Variants in PDE3B observed in about 807,000 individuals in gnomAD.
PDE3B encodes the protein cGMP-inhibited 3',5'-cyclic phosphodiesterase 3B.
Under a neutral mutation model 116.8 loss-of-function variants are expected in PDE3B, and 66 were observed. The ratio of observed to expected loss-of-function variants is 0.56; its 90% CI spans 0.46 to 0.69. PDE3B has a LOEUF of 0.69. Ranked by LOEUF, PDE3B falls within the 30% of genes least tolerant of loss-of-function variation. The probability of loss-of-function intolerance (pLI) is 0.00; values close to 1 mark genes in which losing one functional copy is unlikely to be tolerated. For synonymous variants in PDE3B, 595 were observed against 533.6 expected, an observed-to-expected ratio of 1.12 and a Z score of -1.59; for missense variants, 1,384 against 1,368.1, an observed-to-expected ratio of 1.01 and a Z score of -0.18.
rs533027750 is a variant in PDE3B, at chr11:14,708,362, A to G, written c.978+63309A>G. Among the ~76,000 whole-genome samples the G allele has an allele frequency of 2.6e-5, 4 of 152,208 alleles. No individual in the cohort carries two copies. In the South Asian group the frequency reaches 8.3e-4, roughly 32 times the overall value. ...GTCATCAGAATCATGAGCCAAATAAATCCTTTTTCTTTATAAACTACCCAG... is the reference window on the plus strand; with the variant it reads ...GTCATCAGAATCATGAGCCAAATAAGTCCTTTTTCTTTATAAACTACCCAG... On this transcript the variant is annotated intron_variant, in intron 1 of 15. Coordinates refer to ENST00000282096, the MANE Select transcript of PDE3B (RefSeq NM_000922.4).
intron 5 of PDE3B, 27 bp downstream of exon 5, chr11:14,804,077 A>G: frequency 8.3e-7 from 1 of 1,208,370 alleles, no homozygotes; most frequent in South Asian, 1.2e-5. Context: ...TATGACTCAA[A>G]TATGGGGGTT....
At chr11:14,761,831 C>T (rs561868729) in intron 1 of PDE3B, among the ~76,000 whole-genome samples, 1 of 152,172 alleles carries the variant, frequency 6.6e-6, no homozygotes, top group Admixed American at 6.6e-5. Context: ...TAATTTCTAT[C>T]TGACTAATAA....
At chr11:14,755,020 C>T (rs1031790638) in intron 1 of PDE3B, among the ~76,000 whole-genome samples, 2 of 152,152 alleles carry the variant, frequency 1.3e-5, no homozygotes, top group East Asian at 3.8e-4. Flanking sequence ...CCCTCAACCA[C>T]GATTACTGAA....
At chr11:14,747,046 G>A (rs543577975) in intron 1 of PDE3B, among the ~76,000 whole-genome samples, 1 of 152,312 alleles carries the variant, frequency 6.6e-6, no homozygotes, top group South Asian at 2.1e-4. Flanking sequence ...CATGGTGGAA[G>A]GCAAAGGCGG....
chr11:14,855,593 G>A (rs1396841992), intron 12 of PDE3B, among the ~76,000 whole-genome samples: 4 of 151,910 alleles, frequency 2.6e-5, no homozygotes, highest in Admixed American at 1.3e-4. Context: ...GCCCCTCATC[G>A]AACTTACATT....
At chr11:14,836,374 C>T (rs980249008) in intron 11 of PDE3B, among the ~76,000 whole-genome samples, 1 of 152,012 alleles carries the variant, frequency 6.6e-6, no homozygotes, top group Non-Finnish European at 1.5e-5. Flanking sequence ...TGGTTTTTAG[C>T]ATTTTAACTA....
the PDE3B span, chr11:14,880,638 A>G: frequency 1.3e-6 from 2 of 1,599,130 alleles, no homozygotes; most frequent in Non-Finnish European, 1.7e-6. Context: ...CAATAGCATC[A>G]TTGAAAAATT....
At chr11:14,665,484 G>C (rs1394043554) in intron 1 of PDE3B, among the ~76,000 whole-genome samples, 1 of 152,206 alleles carries the variant, frequency 6.6e-6, no homozygotes, top group Non-Finnish European at 1.5e-5. Flanking sequence ...AATTGTCCCT[G>C]TTTGCAGATG....
chr11:14,857,486 TCAGCA>T (rs1340810690), intron 12 of PDE3B, among the ~76,000 whole-genome samples: 2 of 152,188 alleles, frequency 1.3e-5, no homozygotes, highest in Non-Finnish European at 2.9e-5. Flanking sequence ...CTACTGGGGA[TCAGCA>T]GGGAACCCCT....
At position 14,789,218 on chromosome 11, in the gene PDE3B, C is replaced by G; in HGVS notation, c.1391C>G (p.Pro464Arg). ...SRWDRNNGKR[P>R]HQEFGISSQG... ...TGGGATCGTAATAATGGCAAAAGAC[C>G]TCACCAAGAATTTGGCATTTCAAGG... Residue 464 changes from proline (P) to arginine (R), a missense_variant, in exon 4 of 16, where the codon CCT (proline) becomes CGT (arginine). Pro to Arg is a moderately radical substitution (Grantham distance 103). This residue lies in a region of PDE3B where 956 missense variants were observed against 806.8 expected (regional missense o/e 1.18). Transcript: ENST00000282096. 1 of 1,605,912 alleles carries G rather than the reference C, an allele frequency of 6.2e-7. No homozygotes were observed. Among genetic ancestry groups the G allele is most frequent in the Non-Finnish European group, 8.5e-7 (1 of 1,176,140 alleles).
intron 1 of PDE3B, among the ~76,000 whole-genome samples, chr11:14,699,911 C>T (rs1855316943): frequency 6.6e-6 from 1 of 151,732 alleles, no homozygotes; most frequent in African/African-American, 2.4e-5. Context: ...GTTAATCCTT[C>T]TGGGACTTTT....
chr11:14,651,665 A>G (rs1005412001), intron 1 of PDE3B, among the ~76,000 whole-genome samples: 6 of 152,024 alleles, frequency 3.9e-5, no homozygotes, highest in African/African-American at 1.4e-4. Context: ...GCATTTTTCT[A>G]ATTTCTAGAT....
downstream of PDE3B, among the ~76,000 whole-genome samples, chr11:14,876,015 G>GT (rs1298226081): frequency 6.6e-6 from 1 of 152,182 alleles, no homozygotes; most frequent in Admixed American, 6.5e-5. Flanking sequence ...CAGTAGTGGT[G>GT]TACTCAAAAG....
Position 14,701,765 on chromosome 11 carries a change from T to A in PDE3B, c.978+56712T>A, listed in dbSNP as rs1432146755. 3.3e-5 allele frequency among the ~76,000 whole-genome samples: 5 copies of A among 151,684 alleles called. No homozygotes were observed. The East Asian group carries it at 7.7e-4, about 23-fold the overall frequency. On this transcript the variant is annotated intron_variant, in intron 1 of 15. Coordinates refer to ENST00000282096, the MANE Select transcript of PDE3B (RefSeq NM_000922.4). ...TTATATTACTTGATTATGGAAATAC[T>A]GTTTATTTGTGAACTAAGTAGTTCA...
chr11:14,738,816 A>G (rs765751537), intron 1 of PDE3B, among the ~76,000 whole-genome samples: 4 of 152,182 alleles, frequency 2.6e-5, no homozygotes, highest in Non-Finnish European at 5.9e-5. Flanking sequence ...AGTTTTCTCC[A>G]TATGGCTAGC....
rs186438619 is a variant in PDE3B at position 14,738,280 on chromosome 11, G to A, written c.979-33657G>A. 2.6e-3 allele frequency among the ~76,000 whole-genome samples: 390 copies of A among 152,300 alleles called. 1 individual carries two copies. Among genetic ancestry groups the A allele is most frequent in the African/African-American group, 8.1e-3 (336 of 41,562 alleles). ...TTTCTACACATCCTCTGCAGCATCT[G>A]TTGTTTCCTGACTTTTTAGTGATCG... On this transcript the variant is annotated intron_variant, in intron 1 of 15. Coordinates refer to ENST00000282096, the MANE Select transcript of PDE3B (RefSeq NM_000922.4).
At chr11:14,769,229 G>T (rs1359727880) in intron 1 of PDE3B, among the ~76,000 whole-genome samples, 1 of 151,286 alleles carries the variant, frequency 6.6e-6, no homozygotes, top group African/African-American at 2.4e-5. Flanking sequence ...CTGTAATATT[G>T]TAATACTACA....
At chr11:14,701,843 T>A (rs1855370855) in intron 1 of PDE3B, among the ~76,000 whole-genome samples, 1 of 151,766 alleles carries the variant, frequency 6.6e-6, no homozygotes, top group Non-Finnish European at 1.5e-5. Context: ...AAAGCCATTC[T>A]GATTTCTCTC....
rs1350856921 is a variant in PDE3B, at chr11:14,871,023, T to C, written c.*1363T>C. On this transcript the variant is annotated 3_prime_UTR_variant, in exon 16 of 16. Transcript: ENST00000282096. ...TGATGGCAAAATGGTAGGCTAATAT[T>C]TTCTATTATTATTGGAGAACATATC... The C allele has an allele frequency of 6.6e-6, 1 of 152,156 alleles. No individual in the cohort carries two copies. Among genetic ancestry groups the C allele is most frequent in the African/African-American group, 2.4e-5 (1 of 41,428 alleles). 9.4% of individuals were successfully genotyped at this position (152,156 alleles called of 1,614,324 possible). A position where few individuals can be genotyped will look rare whatever the true frequency, so the allele number is the denominator to read the frequency against.
Sources: gnomAD v4.1 joint callset for allele counts (sites outside exome capture counted in the v4.1 genomes callset) on GRCh38, gnomAD v4.1.1 for gene constraint, gnomAD v4.1.1 regional missense constraint, MANE v1.5 for transcripts, NCBI Gene and HGNC (gene_info 2026-07-23, HGNC 2026-07-21) for gene names.